NDST3: variants seen among roughly 807,000 people sequenced by gnomAD.
The protein encoded by NDST3 is N-deacetylase and N-sulfotransferase 3.
NDST3 carries 58 observed loss-of-function variants against 96.1 expected under a neutral mutation model. The ratio of observed to expected loss-of-function variants is 0.60; its 90% CI spans 0.49 to 0.75. The LOEUF is 0.75. NDST3 is among the 30% of genes least tolerant of loss of function. The probability of loss-of-function intolerance (pLI) is 0.00; values close to 1 mark genes in which losing one functional copy is unlikely to be tolerated. For missense variants in NDST3, 788 were observed against 1,034.2 expected (o/e 0.76, Z 3.27); for synonymous variants, 333 against 359.7 (o/e 0.93, Z 0.84).
At chr4:118,085,040 T>C (rs1322573940) in intron 2 of NDST3, among the ~76,000 whole-genome samples, 9 of 152,114 alleles carry the variant, frequency 5.9e-5, no homozygotes, top group Admixed American at 5.9e-4. Flanking sequence ...AGGGAATTGC[T>C]TGAACCCAGG....
At chr4:118,130,368 G>A (rs754027589) in intron 4 of NDST3, among the ~76,000 whole-genome samples, 2 of 152,000 alleles carry the variant, frequency 1.3e-5, no homozygotes, top group Admixed American at 1.3e-4. Flanking sequence ...GCTATCATGA[G>A]ACTAGTAAAT....
chr4:118,155,186 C>T (rs1734643554), intron 6 of NDST3, among the ~76,000 whole-genome samples: 1 of 152,062 alleles, frequency 6.6e-6, no homozygotes, highest in Non-Finnish European at 1.5e-5. Context: ...TATTAATGTT[C>T]TTCATCACTA....
intron 5 of NDST3, among the ~76,000 whole-genome samples, chr4:118,142,748 G>T (rs1160304751): frequency 6.6e-6 from 1 of 152,036 alleles, no homozygotes; most frequent in African/African-American, 2.4e-5. Context: ...TCTGCTTAAG[G>T]CTTTATTATC....
At chr4:118,202,162 T>C (rs1196539796) in intron 6 of NDST3, among the ~76,000 whole-genome samples, 2 of 152,190 alleles carry the variant, frequency 1.3e-5, no homozygotes, top group African/African-American at 2.4e-5. Context: ...TCTGTACCAG[T>C]ACTAAGTTGT....
chr4:118,189,422 C>G (rs1737163664), intron 6 of NDST3, among the ~76,000 whole-genome samples: 1 of 152,088 alleles, frequency 6.6e-6, no homozygotes, highest in Non-Finnish European at 1.5e-5. Flanking sequence ...TCAAATAATC[C>G]TATTTATGTC....
chr4:118,212,778 C>A (rs1738890311), intron 6 of NDST3, among the ~76,000 whole-genome samples: 1 of 152,146 alleles, frequency 6.6e-6, no homozygotes, highest in African/African-American at 2.4e-5. Flanking sequence ...TAAGTATACT[C>A]ACATGCCTTC....
chr4:118,123,670 C>T (rs1731798230), intron 4 of NDST3, among the ~76,000 whole-genome samples: 1 of 152,088 alleles, frequency 6.6e-6, no homozygotes, highest in Admixed American at 6.6e-5. Flanking sequence ...TTTGAGTATT[C>T]TCACAAAAGC....
intron 4 of NDST3, among the ~76,000 whole-genome samples, chr4:118,123,268 A>G (rs541245514): frequency 6.6e-6 from 1 of 152,298 alleles, no homozygotes; most frequent in East Asian, 1.9e-4. Flanking sequence ...GCTTTCAGAA[A>G]TATTAAACTT....
At chr4:118,051,288 T>G (rs1055312847) in intron 1 of NDST3, among the ~76,000 whole-genome samples, 8 of 152,216 alleles carry the variant, frequency 5.3e-5, no homozygotes, top group African/African-American at 1.7e-4. Context: ...ATGCAGGACA[T>G]CAAACTATAA....
intron 1 of NDST3, among the ~76,000 whole-genome samples, chr4:118,047,813 T>C (rs553668842): frequency 6.6e-6 from 1 of 152,276 alleles, no homozygotes; most frequent in East Asian, 1.9e-4. Context: ...TGGGAAAATA[T>C]ATTTGAGTAT....
chr4:118,100,093 C>T (rs897906678), intron 2 of NDST3, among the ~76,000 whole-genome samples: 2 of 151,888 alleles, frequency 1.3e-5, no homozygotes, highest in Non-Finnish European at 2.9e-5. Context: ...GAGGTGTGTC[C>T]GTGGGAGTGT....
At chr4:118,202,609 T>C (rs993343361) in intron 6 of NDST3, among the ~76,000 whole-genome samples, 3 of 152,216 alleles carry the variant, frequency 2.0e-5, no homozygotes, top group Admixed American at 1.3e-4. Flanking sequence ...GATTTCACTC[T>C]CAGCCTGGAC....
At chr4:118,234,690 T>C (rs968431438) in intron 9 of NDST3, among the ~76,000 whole-genome samples, 2 of 151,956 alleles carry the variant, frequency 1.3e-5, no homozygotes, top group Non-Finnish European at 2.9e-5. Flanking sequence ...CCATAAATTT[T>C]ACAAAAATAT....
intron 12 of NDST3, among the ~76,000 whole-genome samples, chr4:118,245,422 GTTGT>G (rs1175524524): frequency 1.3e-5 from 2 of 152,182 alleles, no homozygotes; most frequent in Non-Finnish European, 1.5e-5. Flanking sequence ...GTTGAGTATA[GTTGT>G]TTGTTTGTTT....
At chr4:118,150,181 C>T (rs1210189777) in intron 6 of NDST3, among the ~76,000 whole-genome samples, 1 of 152,038 alleles carries the variant, frequency 6.6e-6, no homozygotes, top group Non-Finnish European at 1.5e-5. Context: ...AGGATTTTTG[C>T]ATCAATGTTC....
At chr4:118,199,365 G>A (rs759869489) in intron 6 of NDST3, among the ~76,000 whole-genome samples, 2 of 152,040 alleles carry the variant, frequency 1.3e-5, no homozygotes, top group Admixed American at 6.5e-5. Flanking sequence ...TCTTCAGCAT[G>A]CCAGCTGCAT....
intron 11 of NDST3, 119 bp downstream of exon 11, chr4:118,240,813 A>C: frequency 1.1e-6 from 1 of 919,456 alleles, no homozygotes; most frequent in Non-Finnish European, 1.6e-6. Context: ...TTAGTTGTAA[A>C]TAATGAGGCT....
chr4:118,238,156 AAAGAAAGAAAGAAAG>A (rs1394041032), intron 10 of NDST3, among the ~76,000 whole-genome samples: 14 of 5,678 alleles, frequency 2.5e-3, no homozygotes, highest in African/African-American at 0.012. Flanking sequence ...AAAAGAAAGA[AAAGAAAGAAAGAAAG>A]AAAGAAAGAA....
chr4:118,043,158 A>G (rs143128893), intron 1 of NDST3, among the ~76,000 whole-genome samples: 147 of 152,326 alleles, frequency 9.7e-4, no homozygotes, highest in Admixed American at 1.8e-3. Context: ...GGTTTTATCT[A>G]CCATAGATAT....
Sources: gnomAD v4.1 joint callset for allele counts (sites outside exome capture counted in the v4.1 genomes callset) on GRCh38, gnomAD v4.1.1 for gene constraint, MANE v1.5 for transcripts, NCBI Gene and HGNC (gene_info 2026-07-23, HGNC 2026-07-21) for gene names.